Variants in CCDC92 observed in about 807,000 individuals in gnomAD.
CCDC92 encodes the protein coiled-coil domain containing 92.
CCDC92 carries 12 observed loss-of-function variants against 24.9 expected under a neutral mutation model. The ratio of observed to expected loss-of-function variants is 0.48; its 90% CI spans 0.31 to 0.78. The LOEUF is 0.78. Ranked by LOEUF, CCDC92 falls within the 30% of genes least tolerant of loss-of-function variation. The pLI, the probability that CCDC92 is intolerant of heterozygous loss-of-function variation, is 0.05. For synonymous variants in CCDC92, 193 were observed against 196.3 expected (o/e 0.98, Z 0.14); for missense variants, 399 against 439.4 (o/e 0.91, Z 0.82).
intron 1 of CCDC92, chr12:123,970,356 C>G (rs1252086301): frequency 1.3e-5 from 2 of 152,200 alleles, no homozygotes; most frequent in Non-Finnish European, 2.9e-5. Context: ...TTCTTTCCAC[C>G]GCTAGTTCTC....
Position 123,937,521 on chromosome 12 carries a change from G to T in CCDC92, c.533C>A (p.Ala178Asp), listed in dbSNP as rs898908164. 3 of 1,612,276 alleles carry T rather than the reference G, an allele frequency of 1.9e-6. No individual in the cohort carries two copies. The highest frequency in any genetic ancestry group is 1.1e-5 in the South Asian group (1 of 91,074). Residue 178 changes from alanine to aspartate, a missense_variant, in exon 5 of 5, where the codon GCC becomes GAC. Transcript: ENST00000238156. The surrounding 1 kb of genome is among the most constrained non-coding windows in gnomAD (Gnocchi z 8.4). ...CAGCACGGGGCTCCCTGACGGGCTGGCATCTGAGGTCCCGCTGGAGCTCAT... is the reference window on the plus strand; with the variant it reads ...CAGCACGGGGCTCCCTGACGGGCTGTCATCTGAGGTCCCGCTGGAGCTCAT... ...KLMSSSGTSDASPSGSPVLAS... is the reference protein window; with the variant it reads ...KLMSSSGTSDDSPSGSPVLAS...
chr12:123,959,307 T>C (rs1425025077), intron 1 of CCDC92, among the ~76,000 whole-genome samples: 1 of 152,128 alleles, frequency 6.6e-6, no homozygotes, highest in Non-Finnish European at 1.5e-5. Context: ...ACCAAATGTC[T>C]GACTGCCAGG....
chr12:123,970,368 C>T (rs1295314669), intron 1 of CCDC92: 2 of 152,234 alleles, frequency 1.3e-5, no homozygotes, highest in African/African-American at 4.8e-5. Flanking sequence ...CTAGTTCTCA[C>T]CATAAACAAC....
intron 1 of CCDC92, among the ~76,000 whole-genome samples, chr12:123,954,120 A>G (rs1956094463): frequency 6.6e-6 from 1 of 152,264 alleles, no homozygotes; most frequent in South Asian, 2.1e-4. Flanking sequence ...ATCACTAAAT[A>G]TCCACTAACA....
In CCDC92 at chr12:123,944,030, AT is replaced by A. The variant is rs143840819; in HGVS notation, c.34+241del. The A allele has an allele frequency of 5.4e-3, 2,820 of 526,446 alleles. 76 individuals carry two copies. Among genetic ancestry groups the A allele is most frequent in the African/African-American group, 0.051 (2,579 of 50,428 alleles). The allele number at this position is 526,446 out of a possible 1,614,324, so 32.6% of individuals were successfully genotyped here. The stretch of plus-strand genomic sequence containing the variant: ...CTGGCACCTGGGAAATGGGCCAAAC[AT>A]TTCCTCTAAATGGCATCTGGAGCCA... On this transcript the variant is annotated intron_variant, in intron 2 of 4. Transcript: ENST00000238156.
Position 123,944,315 on chromosome 12 carries a change from T to C in CCDC92, c.-10A>G, listed in dbSNP as rs1205455444. 2 of 1,578,048 alleles carry C rather than the reference T, an allele frequency of 1.3e-6. No homozygotes were observed. The highest frequency in any genetic ancestry group is 8.6e-7 in the Non-Finnish European group (1 of 1,166,762). Reference sequence around the variant, plus strand: ...AATGTGGTGAAGTCATGGGTCTTTCTGGAAAAGCTACCAGAGTAATTCAAG... The same window carrying C: ...AATGTGGTGAAGTCATGGGTCTTTCCGGAAAAGCTACCAGAGTAATTCAAG... On this transcript the variant is annotated 5_prime_UTR_variant, in exon 2 of 5. Coordinates refer to ENST00000238156, the MANE Select transcript of CCDC92 (RefSeq NM_025140.3).
At position 123,962,891 on chromosome 12, in the gene CCDC92, G is replaced by GT. The variant is rs756046412; in HGVS notation, c.-60+9637dup. 5 of 152,288 alleles carry GT rather than the reference G, an allele frequency of 3.3e-5. 1 individual carries two copies. The highest frequency in any genetic ancestry group is 2.0e-4 in the Admixed American group (3 of 15,300). 9.4% of individuals were successfully genotyped at this position (152,288 alleles called of 1,614,324 possible). A position where few individuals can be genotyped will look rare whatever the true frequency, so the allele number is the denominator to read the frequency against. ...TCTAAAGAACAGATGGAATTAGCGT[G>GT]TAAGTTTTCTGATATGAGGCAAACT... On this transcript the variant is annotated intron_variant, in intron 1 of 4. Coordinates refer to ENST00000238156, the MANE Select transcript of CCDC92 (RefSeq NM_025140.3).
intron 1 of CCDC92, among the ~76,000 whole-genome samples, chr12:123,958,757 G>A (rs979585203): frequency 6.6e-6 from 1 of 152,200 alleles, no homozygotes; most frequent in Non-Finnish European, 1.5e-5. Context: ...GGGGAACTGA[G>A]GCGTAGAGAG....
At chr12:123,952,867 T>C (rs1351167293) in intron 1 of CCDC92, among the ~76,000 whole-genome samples, 3 of 152,214 alleles carry the variant, frequency 2.0e-5, no homozygotes, top group Non-Finnish European at 4.4e-5. Flanking sequence ...AGAATTAGGC[T>C]TTTTTAATCT....
chr12:123,951,215 C>T (rs1183369836), intron 1 of CCDC92, among the ~76,000 whole-genome samples: 2 of 152,178 alleles, frequency 1.3e-5, no homozygotes, highest in African/African-American at 4.8e-5. Context: ...TAAACCAGAA[C>T]TACACTGCGT....
At chr12:123,939,161 G>T (rs1955610825) in intron 4 of CCDC92, among the ~76,000 whole-genome samples, 1 of 152,088 alleles carries the variant, frequency 6.6e-6, no homozygotes, top group Non-Finnish European at 1.5e-5. Flanking sequence ...CTCTGTCCTT[G>T]CCCTAACTCC....
Position 123,936,876 on chromosome 12 carries a change from T to C in CCDC92, c.*182A>G. ...GGCCACAGCAATTAGGAAATACATA[T>C]TCTGCGGCAGGGACACGATCATATT... On this transcript the variant is annotated 3_prime_UTR_variant, in exon 5 of 5. Coordinates refer to ENST00000238156, the MANE Select transcript of CCDC92 (RefSeq NM_025140.3). The C allele has an allele frequency of 2.9e-6, 2 of 679,822 alleles. No homozygotes were observed. Among genetic ancestry groups the C allele is most frequent in the South Asian group, 1.9e-5 (1 of 52,288 alleles). The allele number at this position is 679,822 out of a possible 1,614,324, so 42.1% of individuals were successfully genotyped here.
intron 1 of CCDC92, chr12:123,967,966 T>C (rs1594516204): frequency 6.6e-6 from 1 of 152,228 alleles, no homozygotes; most frequent in East Asian, 1.9e-4. Flanking sequence ...GACCTAAATT[T>C]AGTATCTTAA....
chr12:123,970,466 TC>T (rs1392724267), intron 1 of CCDC92: 4 of 152,226 alleles, frequency 2.6e-5, no homozygotes, highest in African/African-American at 9.6e-5. Flanking sequence ...TGACAGACCT[TC>T]AAATATTTGA....
chr12:123,938,847 T>G (rs1201937105), intron 4 of CCDC92, among the ~76,000 whole-genome samples: 1 of 152,108 alleles, frequency 6.6e-6, no homozygotes, highest in Admixed American at 6.5e-5. Context: ...ATCCCTGGCC[T>G]CCCCTCCCTG....
rs970566071 is a variant in CCDC92, at chr12:123,937,975, G to A, written c.224-145C>T. 1.4e-5 allele frequency: 11 copies of A among 791,762 alleles called. No homozygotes were observed. Among genetic ancestry groups the A allele is most frequent in the Non-Finnish European group, 2.2e-5 (11 of 504,496 alleles). The allele number at this position is 791,762 out of a possible 1,614,324, so 49.0% of individuals were successfully genotyped here. On this transcript the variant is annotated intron_variant, in intron 4 of 4. Coordinates refer to ENST00000238156, the MANE Select transcript of CCDC92 (RefSeq NM_025140.3). This position sits in a 1 kb window ranked among gnomAD's most constrained non-coding sequence, Gnocchi z 8.4. ...AGAAGGCAGGGCTGTGGGGGCTCTG[G>A]AAAGACCCCTCCCCTCCCCGAGGTG... is the stretch of plus-strand genomic sequence containing the variant.
Position 123,937,414 on chromosome 12 carries a change from A to AG in CCDC92, c.639dup (p.His215AlafsTer5), listed in dbSNP as rs1955545288. 1 of 1,613,580 alleles carries AG rather than the reference A, an allele frequency of 6.2e-7. No homozygotes were observed. Among genetic ancestry groups the AG allele is most frequent in the Non-Finnish European group, 8.5e-7 (1 of 1,179,980 alleles). ...TAGACCTCTTCAAATTCCGGGTGCA[A>AG]GGGGGCTGAGAGGCTCTTTTTCATG... On this transcript the variant is annotated frameshift_variant, in exon 5 of 5. Transcript: ENST00000238156. LOFTEE classifies it high-confidence loss of function. This position sits in a 1 kb window ranked among gnomAD's most constrained non-coding sequence, Gnocchi z 8.4.
chr12:123,940,826 A>G (rs1051399219), intron 4 of CCDC92, among the ~76,000 whole-genome samples: 2 of 136,116 alleles, frequency 1.5e-5, no homozygotes, highest in East Asian at 2.0e-4. Flanking sequence ...CCAAGAGTCT[A>G]TGCTGTACCC....
intron 1 of CCDC92, among the ~76,000 whole-genome samples, chr12:123,953,290 A>G (rs149825814): frequency 1.3e-5 from 2 of 152,306 alleles, no homozygotes; most frequent in East Asian, 3.9e-4. Context: ...ATCACCACAC[A>G]AAATAATCTC....
Sources: allele counts gnomAD v4.1 joint callset (sites outside exome capture counted in the v4.1 genomes callset), GRCh38; gene constraint gnomAD v4.1.1; non-coding constraint Gnocchi (gnomAD v3.1); transcripts MANE v1.5; gene names NCBI Gene and HGNC (gene_info 2026-07-23, HGNC 2026-07-21).